DROSHA: variants seen among roughly 807,000 people sequenced by gnomAD.
The protein encoded by DROSHA is ribonuclease 3.
Under a neutral mutation model 181.9 loss-of-function variants are expected in DROSHA, and 56 were observed. The observed-to-expected ratio is 0.31, with a 90% CI of 0.25 to 0.38. DROSHA has a LOEUF of 0.38. DROSHA is among the 10% of genes least tolerant of loss of function. DROSHA has a pLI of 1.00. For missense variants in DROSHA, 1,218 were observed against 1,743.5 expected, an observed-to-expected ratio of 0.70 and a Z score of 5.37; for synonymous variants, 524 against 591.2, an observed-to-expected ratio of 0.89 and a Z score of 1.65.
intron 19 of DROSHA, among the ~76,000 whole-genome samples, 172 bp downstream of exon 19, chr5:31,466,010 A>G (rs1375356003): frequency 6.6e-6 from 1 of 152,214 alleles, no homozygotes; most frequent in Non-Finnish European, 1.5e-5. Flanking sequence ...TTAAATATTA[A>G]AAGATTTTTT....
intron 33 of DROSHA, 159 bp downstream of exon 33, chr5:31,408,897 G>T: frequency 1.6e-6 from 1 of 624,584 alleles, no homozygotes; most frequent in Non-Finnish European, 2.8e-6. Flanking sequence ...GCCCCAGTGA[G>T]TTTCCCTGTG....
At chr5:31,519,837 CTAA>C (rs1739683643) in intron 6 of DROSHA, among the ~76,000 whole-genome samples, 1 of 152,170 alleles carries the variant, frequency 6.6e-6, no homozygotes, top group African/African-American at 2.4e-5. Context: ...TACAGATTTT[CTAA>C]TATTAACTTT....
chr5:31,531,067 T>C (rs1741276160), intron 2 of DROSHA, 143 bp from the exon 3 acceptor site: 4 of 390,106 alleles, frequency 1.0e-5, no homozygotes, highest in Non-Finnish European at 1.8e-5. Context: ...AATGAGCCCA[T>C]AAATGGGAAG....
intron 11 of DROSHA, among the ~76,000 whole-genome samples, chr5:31,496,724 C>T (rs769010422): frequency 2.6e-4 from 39 of 152,192 alleles, no homozygotes; most frequent in Non-Finnish European, 5.3e-4. Context: ...ATAACCTTGA[C>T]TGGGTGTTGA....
intron 25 of DROSHA, 48 bp from the exon 26 acceptor site, chr5:31,431,726 T>G (rs1333699584): frequency 2.5e-6 from 4 of 1,575,666 alleles, no homozygotes; most frequent in Non-Finnish European, 3.5e-6. Flanking sequence ...TGCCAAAATC[T>G]TAACTATAGT....
chr5:31,406,482 T>A (rs1246362343), intron 34 of DROSHA, among the ~76,000 whole-genome samples: 3 of 151,840 alleles, frequency 2.0e-5, no homozygotes, highest in African/African-American at 7.3e-5. Flanking sequence ...AAAGTGAGAC[T>A]CTGTCTCCAA....
intron 30 of DROSHA, among the ~76,000 whole-genome samples, chr5:31,416,502 C>T (rs1258687092): frequency 1.3e-5 from 2 of 152,028 alleles, no homozygotes; most frequent in Non-Finnish European, 2.9e-5. Flanking sequence ...GAGGTAAAGG[C>T]CAGGAAGGAA....
intron 20 of DROSHA, among the ~76,000 whole-genome samples, chr5:31,461,543 T>C (rs1580174496): frequency 6.6e-6 from 1 of 152,190 alleles, no homozygotes; most frequent in African/African-American, 2.4e-5. Context: ...GACTAGCCCA[T>C]GGCTTGCATA....
chr5:31,401,602 AT>A, intron 35 of DROSHA, 40 bp from the exon 36 acceptor site: 1 of 1,265,264 alleles, frequency 7.9e-7, no homozygotes. Context: ...ATAAAATTAT[AT>A]TTAATAATCT....
At chr5:31,402,646 G>C (rs1262832343) in intron 35 of DROSHA, among the ~76,000 whole-genome samples, 1 of 152,112 alleles carries the variant, frequency 6.6e-6, no homozygotes, top group Middle Eastern at 3.2e-3. Flanking sequence ...CCATATAATA[G>C]ATCCTAAATT....
At chr5:31,492,191 T>G (rs1752504614) in intron 13 of DROSHA, among the ~76,000 whole-genome samples, 1 of 152,240 alleles carries the variant, frequency 6.6e-6, no homozygotes, top group Non-Finnish European at 1.5e-5. Context: ...TACAATGTAA[T>G]CATCTTCTCA....
intron 11 of DROSHA, among the ~76,000 whole-genome samples, chr5:31,501,319 G>C (rs1753549123): frequency 6.6e-6 from 1 of 152,128 alleles, no homozygotes; most frequent in African/African-American, 2.4e-5. Context: ...CTGAATCACA[G>C]ATCTACCCAG....
At chr5:31,439,551 G>T (rs1426662440) in intron 23 of DROSHA, among the ~76,000 whole-genome samples, 1 of 152,134 alleles carries the variant, frequency 6.6e-6, no homozygotes, top group African/African-American at 2.4e-5. Context: ...ATGGGGTTTG[G>T]TGTACAGACA....
rs369616393 is a variant in DROSHA at position 31,459,769 on chromosome 5, C to T, written c.2574+4467G>A. On this transcript the variant is annotated intron_variant, in intron 20 of 35. Coordinates refer to ENST00000344624, the MANE Select transcript of DROSHA (RefSeq NM_001382508.1). ...CCTTCCATCCCATTCCAGATGGCCA[C>T]TCTAGGAAGACAGCATATTCATTAA... Among the ~76,000 whole-genome samples, 39 of 152,298 alleles carry T rather than the reference C, an allele frequency of 2.6e-4. No homozygotes were observed. In the South Asian group the frequency reaches 5.4e-3, roughly 21 times the overall value.
At chr5:31,496,177 C>A (rs1426822738) in intron 11 of DROSHA, among the ~76,000 whole-genome samples, 1 of 152,194 alleles carries the variant, frequency 6.6e-6, no homozygotes, top group East Asian at 1.9e-4. Context: ...TGGTTCATGC[C>A]TGTAATCATA....
intron 11 of DROSHA, among the ~76,000 whole-genome samples, chr5:31,501,413 CAT>C (rs974310923): frequency 1.3e-5 from 2 of 152,038 alleles, no homozygotes; most frequent in African/African-American, 4.8e-5. Flanking sequence ...GGGTCCTTGA[CAT>C]GTGGAATAAG....
intron 13 of DROSHA, among the ~76,000 whole-genome samples, chr5:31,491,994 A>T (rs1283491977): frequency 6.6e-6 from 1 of 152,134 alleles, no homozygotes. Context: ...GGGTTTCGCC[A>T]TGTTGGCCAA....
At chr5:31,510,179 A>G (rs1019082448) in intron 9 of DROSHA, among the ~76,000 whole-genome samples, 15 of 152,320 alleles carry the variant, frequency 9.8e-5, no homozygotes, top group African/African-American at 2.6e-4. Context: ...GTAGTAGCAT[A>G]ATGAAATCCA....
At chr5:31,431,792 G>A in intron 25 of DROSHA, 114 bp from the exon 26 acceptor site, 1 of 847,554 alleles carries the variant, frequency 1.2e-6, no homozygotes, top group Admixed American at 2.2e-5. Flanking sequence ...GCAGCGTAAT[G>A]GTTACAAATC....
Sources: allele counts gnomAD v4.1 joint callset (sites outside exome capture counted in the v4.1 genomes callset), GRCh38; gene constraint gnomAD v4.1.1; transcripts MANE v1.5; gene names NCBI Gene and HGNC (gene_info 2026-07-23, HGNC 2026-07-21).